Variants in BDP1 observed in about 807,000 individuals in gnomAD.
BDP1 encodes BDP1 general transcription factor IIIB subunit.
In BDP1, 169 loss-of-function variants were observed where a neutral mutation model predicts 266.6. That is an observed-to-expected ratio of 0.63 (90% CI 0.56 to 0.72). BDP1 has a LOEUF of 0.72. Ranked by LOEUF, BDP1 falls within the 30% of genes least tolerant of loss-of-function variation. The probability of loss-of-function intolerance (pLI) is 0.00; values close to 1 mark genes in which losing one functional copy is unlikely to be tolerated. For synonymous variants in BDP1, 1,090 were observed against 1,022.4 expected (o/e 1.07, Z -1.26); for missense variants, 3,015 against 3,053.8 (o/e 0.99, Z 0.30).
At chr5:71,571,200 A>C (rs1318268603), downstream of BDP1, among the ~76,000 whole-genome samples, 2 of 152,206 alleles carry the variant, frequency 1.3e-5, no homozygotes, top group Non-Finnish European at 2.9e-5. Flanking sequence ...GCTGGAGGGC[A>C]GTGGCACGAT....
At chr5:71,470,317 C>A in intron 6 of BDP1, 78 bp from the exon 7 acceptor site, 2 of 1,100,742 alleles carry the variant, frequency 1.8e-6, no homozygotes, top group South Asian at 1.4e-5. Context: ...TAAGTACTGT[C>A]AAATTCTGTA....
chr5:71,573,227 C>CAA, the BDP1 span, among the ~76,000 whole-genome samples: 391 of 82,730 alleles, frequency 4.7e-3, 2 homozygotes, highest in African/African-American at 0.015. Flanking sequence ...GACTCTGTTT[C>CAA]AAAAAAAAAA....
At chr5:71,473,431 C>T (rs947449342) in intron 7 of BDP1, among the ~76,000 whole-genome samples, 11 of 151,378 alleles carry the variant, frequency 7.3e-5, no homozygotes, top group Admixed American at 2.6e-4. Context: ...CCCGCCACCA[C>T]GCCCAGCTAA....
At chr5:71,515,932 A>G (rs1765191168) in intron 20 of BDP1, 129 bp from the exon 21 acceptor site, 1 of 616,612 alleles carries the variant, frequency 1.6e-6, no homozygotes, top group East Asian at 2.8e-5. Context: ...TCAGAAAGCA[A>G]TTTCCCTTTA....
At chr5:71,456,891 G>A (rs1255707092) in intron 1 of BDP1, among the ~76,000 whole-genome samples, 1 of 152,194 alleles carries the variant, frequency 6.6e-6, no homozygotes, top group African/African-American at 2.4e-5. Flanking sequence ...GCCTTGTTAA[G>A]TGAAGTGAGA....
intron 27 of BDP1, 84 bp from the exon 28 acceptor site, chr5:71,539,473 A>G (rs919209290): frequency 3.1e-5 from 33 of 1,053,402 alleles, no homozygotes; most frequent in Non-Finnish European, 4.1e-5. Flanking sequence ...CCTAGGAGAT[A>G]AACACCTTAA....
intron 23 of BDP1, 88 bp downstream of exon 23, chr5:71,522,578 T>A: frequency 7.9e-7 from 1 of 1,272,818 alleles, no homozygotes; most frequent in South Asian, 1.5e-5. Context: ...TAAAATACAG[T>A]TTTGACTTCT....
At chr5:71,499,420 C>T (rs1398668234) in intron 13 of BDP1, among the ~76,000 whole-genome samples, 1 of 152,132 alleles carries the variant, frequency 6.6e-6, no homozygotes, top group Non-Finnish European at 1.5e-5. Flanking sequence ...AGTTTGAAAC[C>T]AGCCTGGCCA....
Position 71,567,237 on chromosome 5 carries a change from T to C in BDP1, c.*2352T>C, listed in dbSNP as rs966168554. On this transcript the variant is annotated 3_prime_UTR_variant, in exon 39 of 39. Transcript: ENST00000358731. The stretch of plus-strand genomic sequence containing the variant: ...GCCATGATTAAACTATTATTTATCC[T>C]TGTGTAATATTAGTTTTTAACTTTA... The C allele has an allele frequency of 6.6e-6, 1 of 152,220 alleles. No homozygotes were observed. The highest frequency in any genetic ancestry group is 1.5e-5 in the Non-Finnish European group (1 of 68,032). The allele number at this position is 152,220 out of a possible 1,614,324, so 9.4% of individuals were successfully genotyped here. A position where few individuals can be genotyped will look rare whatever the true frequency, so the allele number is the denominator to read the frequency against.
intron 16 of BDP1, among the ~76,000 whole-genome samples, chr5:71,508,049 C>T (rs1764678841): frequency 6.6e-6 from 1 of 152,262 alleles, no homozygotes; most frequent in South Asian, 2.1e-4. Flanking sequence ...ACTGCAACCT[C>T]CGCCCCCTGG....
At chr5:71,519,602 C>T (rs1765395397) in intron 22 of BDP1, among the ~76,000 whole-genome samples, 1 of 152,194 alleles carries the variant, frequency 6.6e-6, no homozygotes, top group African/African-American at 2.4e-5. Context: ...AACATAATGA[C>T]CTCTAGTTCC....
chr5:71,570,734 C>G (rs541643581), downstream of BDP1, among the ~76,000 whole-genome samples: 22 of 152,368 alleles, frequency 1.4e-4, no homozygotes, highest in Non-Finnish European at 2.6e-4. Context: ...AATTCCTTGG[C>G]AGTACCTCTC....
At chr5:71,508,678 T>G (rs1032707582) in intron 16 of BDP1, among the ~76,000 whole-genome samples, 1 of 152,146 alleles carries the variant, frequency 6.6e-6, no homozygotes, top group African/African-American at 2.4e-5. Flanking sequence ...TGATCTAGCT[T>G]TTGCCCAATA....
rs954192918 is a variant in BDP1, at chr5:71,483,896, C to T, written c.1069C>T (p.Gln357Ter). The change falls in exon 8 of 39, where the codon CAG becomes TAG. Residue 357 changes from glutamine to a stop codon, truncating the protein, a stop_gained and splice_region_variant. Transcript: ENST00000358731. LOFTEE classifies it high-confidence loss of function. ...TNGWRIDKAF[Q>*]EKRPFDFDFF... The stretch of plus-strand genomic sequence containing the variant: ...TGGATGGAGAATAGACAAAGCATTC[C>T]GTAAGTATTAAGACCTCTTTTACAA... 10 of 1,606,684 alleles carry T rather than the reference C, an allele frequency of 6.2e-6. No individual in the cohort carries two copies. Among genetic ancestry groups the T allele is most frequent in the Admixed American group, 1.7e-5 (1 of 59,610 alleles).
intron 37 of BDP1, among the ~76,000 whole-genome samples, chr5:71,560,459 C>T (rs959601009): frequency 1.3e-5 from 2 of 152,126 alleles, no homozygotes; most frequent in African/African-American, 4.8e-5. Flanking sequence ...GATAGAAAAT[C>T]TTTAGAATAT....
chr5:71,550,682 C>T (rs1312398665), intron 34 of BDP1, among the ~76,000 whole-genome samples: 3 of 152,058 alleles, frequency 2.0e-5, no homozygotes, highest in Non-Finnish European at 4.4e-5. Context: ...AATTGTCCAT[C>T]GTGTAGCATT....
At chr5:71,504,877 A>G in intron 16 of BDP1, 126 bp downstream of exon 16, 1 of 842,414 alleles carries the variant, frequency 1.2e-6, no homozygotes, top group South Asian at 1.7e-5. Flanking sequence ...TGTAGTGTTT[A>G]AAAATATAAC....
chr5:71,464,732 T>G (rs1458853559), intron 4 of BDP1, among the ~76,000 whole-genome samples: 2 of 141,956 alleles, frequency 1.4e-5, no homozygotes, highest in Non-Finnish European at 3.1e-5. Flanking sequence ...TTTTTTTTTT[T>G]TTTTTGAGAT....
chr5:71,518,634 TG>T (rs1406958721), intron 22 of BDP1, among the ~76,000 whole-genome samples: 1 of 151,922 alleles, frequency 6.6e-6, no homozygotes, highest in East Asian at 1.9e-4. Flanking sequence ...TGTATCTTTT[TG>T]TAGAGATGGG....
Sources: allele counts gnomAD v4.1 joint callset (sites outside exome capture counted in the v4.1 genomes callset), GRCh38; gene constraint gnomAD v4.1.1; transcripts MANE v1.5; gene names NCBI Gene and HGNC (gene_info 2026-07-23, HGNC 2026-07-21).